CCDC141: variants seen among roughly 807,000 people sequenced by gnomAD.
CCDC141 encodes the protein coiled-coil domain-containing protein 141.
Under a neutral mutation model 181.0 loss-of-function variants are expected in CCDC141, and 168 were observed. The ratio of observed to expected loss-of-function variants is 0.93; its 90% CI spans 0.82 to 1.05. CCDC141 has a LOEUF of 1.05. Among genes scored for constraint, CCDC141 ranks in the 50% least tolerant of loss-of-function variants. The pLI is 0.00. For missense variants in CCDC141, 1,902 were observed against 1,788.5 expected (o/e 1.06, Z -1.14); for synonymous variants, 666 against 642.3 (o/e 1.04, Z -0.56).
intron 8 of CCDC141, among the ~76,000 whole-genome samples, chr2:178,894,795 T>C (rs1433910798): frequency 3.3e-5 from 5 of 151,748 alleles, no homozygotes; most frequent in Admixed American, 6.6e-5. Context: ...ATTCTTCTAA[T>C]AGAAGGTATA....
Position 179,006,704 on chromosome 2 carries a change from G to A in CCDC141, c.226-28029C>T, listed in dbSNP as rs950406670. ...GCGAGAGACATATAATATCTAAGAC[G>A]TTATTGAAATACAAGAATAAAACCA... On this transcript the variant is annotated intron_variant, in intron 2 of 23. Coordinates refer to ENST00000443758, the MANE Select transcript of CCDC141 (RefSeq NM_173648.4). Among the ~76,000 whole-genome samples the A allele has an allele frequency of 3.3e-5, 5 of 152,062 alleles. No homozygotes were observed. In the East Asian group the frequency reaches 7.7e-4, roughly 23 times the overall value.
At chr2:178,948,494 GT>G (rs1689822219) in intron 5 of CCDC141, among the ~76,000 whole-genome samples, 1 of 152,114 alleles carries the variant, frequency 6.6e-6, no homozygotes, top group Non-Finnish European at 1.5e-5. Context: ...GAGAAGAGCG[GT>G]GTGAGATATC....
rs200240546 is a variant in CCDC141 at position 179,019,155 on chromosome 2, TATTAG to T, written c.225+28124_225+28128del. Among the ~76,000 whole-genome samples, 856 of 152,288 alleles carry T rather than the reference TATTAG, an allele frequency of 5.6e-3. 6 individuals carry two copies. Among genetic ancestry groups the T allele is most frequent in the African/African-American group, 0.019 (796 of 41,582 alleles). Reference sequence around the variant, plus strand: ...TCCAAAGTCCAGCAAGCCAATATTATATTAGGAGACGAAAGTCTTTTTGGTTCCCA... The same window carrying T: ...TCCAAAGTCCAGCAAGCCAATATTATGAGACGAAAGTCTTTTTGGTTCCCA... On this transcript the variant is annotated intron_variant, in intron 2 of 23. Coordinates refer to ENST00000443758, the MANE Select transcript of CCDC141 (RefSeq NM_173648.4).
At chr2:179,026,040 G>A (rs929985550) in intron 2 of CCDC141, among the ~76,000 whole-genome samples, 2 of 152,194 alleles carry the variant, frequency 1.3e-5, no homozygotes, top group African/African-American at 2.4e-5. Flanking sequence ...TATAAGGGAA[G>A]CAGACCATAA....
rs1157103281 is a variant in CCDC141 at position 179,047,273 on chromosome 2, T to C, written c.225+11A>G. On this transcript the variant is annotated intron_variant, in intron 2 of 23. Coordinates refer to ENST00000443758, the MANE Select transcript of CCDC141 (RefSeq NM_173648.4). The stretch of plus-strand genomic sequence containing the variant: ...TTAATTTTGTTTCTGCTTCACATCT[T>C]AGTATCTTACCTTGAGCTTGGCCAA... 6.6e-7 allele frequency: 1 copy of C among 1,513,898 alleles called. No homozygotes were observed. Among genetic ancestry groups the C allele is most frequent in the Non-Finnish European group, 8.8e-7 (1 of 1,136,980 alleles). 93.8% of individuals were successfully genotyped at this position (1,513,898 alleles called of 1,614,324 possible). A position where few individuals can be genotyped will look rare whatever the true frequency, so the allele number is the denominator to read the frequency against.
intron 2 of CCDC141, among the ~76,000 whole-genome samples, chr2:178,988,260 A>G (rs1158561208): frequency 6.9e-6 from 1 of 144,910 alleles, no homozygotes; most frequent in Non-Finnish European, 1.5e-5. Flanking sequence ...ATAGGTGGGA[A>G]TTGAACAGTG....
intron 22 of CCDC141, among the ~76,000 whole-genome samples, chr2:178,841,771 A>C (rs1217197962): frequency 1.3e-5 from 2 of 152,124 alleles, no homozygotes; most frequent in Non-Finnish European, 2.9e-5. Flanking sequence ...CAGGCTCCCA[A>C]GTAGCTGGGA....
chr2:179,011,492 A>C (rs2042269073), intron 2 of CCDC141, among the ~76,000 whole-genome samples: 1 of 152,190 alleles, frequency 6.6e-6, no homozygotes, highest in South Asian at 2.1e-4. Flanking sequence ...AATAGACCTA[A>C]AAAATGTGAC....
At chr2:178,901,662 C>A (rs1687699291) in intron 8 of CCDC141, among the ~76,000 whole-genome samples, 1 of 151,598 alleles carries the variant, frequency 6.6e-6, no homozygotes, top group African/African-American at 2.4e-5. Context: ...ACTGAATGGG[C>A]AAAAACTGGA....
At chr2:178,959,709 T>C (rs1044768699) in intron 5 of CCDC141, among the ~76,000 whole-genome samples, 4 of 151,902 alleles carry the variant, frequency 2.6e-5, no homozygotes, top group African/African-American at 4.8e-5. Flanking sequence ...CAGGGTAAAA[T>C]GATAAAAGCA....
At chr2:179,028,949 T>C (rs1046939232) in intron 2 of CCDC141, among the ~76,000 whole-genome samples, 1 of 152,194 alleles carries the variant, frequency 6.6e-6, no homozygotes, top group Non-Finnish European at 1.5e-5. Context: ...AAACCCACTC[T>C]TGGCCACAAT....
chr2:178,849,967 T>C, intron 21 of CCDC141, 82 bp downstream of exon 21: 2 of 742,872 alleles, frequency 2.7e-6, no homozygotes, highest in Non-Finnish European at 4.6e-6. Flanking sequence ...TCTGTTAAAA[T>C]GTCTTTGCAC....
At chr2:178,904,852 A>T (rs1687885676) in intron 8 of CCDC141, among the ~76,000 whole-genome samples, 1 of 152,114 alleles carries the variant, frequency 6.6e-6, no homozygotes, top group Non-Finnish European at 1.5e-5. Context: ...ATGCTGTTGG[A>T]TTAATAATTG....
At chr2:178,990,918 G>C (rs1212729970) in intron 2 of CCDC141, among the ~76,000 whole-genome samples, 1 of 152,014 alleles carries the variant, frequency 6.6e-6, no homozygotes, top group Non-Finnish European at 1.5e-5. Flanking sequence ...CATATGAATT[G>C]GGTCATTCTT....
chr2:179,038,964 C>G (rs1319236998), intron 2 of CCDC141, among the ~76,000 whole-genome samples: 1 of 152,104 alleles, frequency 6.6e-6, no homozygotes, highest in Non-Finnish European at 1.5e-5. Flanking sequence ...AATTTCCAAC[C>G]TTTTTTCCTC....
In CCDC141 at chr2:178,831,081, G is replaced by C. The variant is rs1344149234; in HGVS notation, c.*3092C>G. ...TTAAGTATGTGTCTTGATTATGAGT[G>C]ATAGAGGTTACCATTATTGATTAAT... On this transcript the variant is annotated 3_prime_UTR_variant, in exon 24 of 24. Coordinates refer to ENST00000443758, the MANE Select transcript of CCDC141 (RefSeq NM_173648.4). 6.6e-6 allele frequency: 1 copy of C among 152,090 alleles called. No homozygotes were observed. The highest frequency in any genetic ancestry group is 1.9e-4 in the East Asian group (1 of 5,194). The allele number at this position is 152,090 out of a possible 1,614,324, so 9.4% of individuals were successfully genotyped here. A position where few individuals can be genotyped will look rare whatever the true frequency, so the allele number is the denominator to read the frequency against.
chr2:178,940,664 C>CA (rs1200371638), intron 6 of CCDC141, among the ~76,000 whole-genome samples: 1 of 152,022 alleles, frequency 6.6e-6, no homozygotes, highest in Non-Finnish European at 1.5e-5. Context: ...AAGGGAATCA[C>CA]AAAAAAACCT....
rs1166509402 is a variant in CCDC141 at position 178,921,336 on chromosome 2, C to T, written c.898-2429G>A. 2.0e-5 allele frequency among the ~76,000 whole-genome samples: 3 copies of T among 152,222 alleles called. No homozygotes were observed. The East Asian group carries it at 5.8e-4, about 29-fold the overall frequency. On this transcript the variant is annotated intron_variant, in intron 6 of 23. Coordinates refer to ENST00000443758, the MANE Select transcript of CCDC141 (RefSeq NM_173648.4). ...TTAAAACAGTACAATTTCTGGCACA[C>T]ATAATAGGCACTCACTAAGTGTTAG... is the stretch of plus-strand genomic sequence containing the variant.
At chr2:179,003,887 G>A (rs764744090) in intron 2 of CCDC141, among the ~76,000 whole-genome samples, 9 of 152,128 alleles carry the variant, frequency 5.9e-5, no homozygotes, top group South Asian at 2.1e-4. Context: ...GAATAAAAAC[G>A]CAATCATTCA....
Sources: allele counts gnomAD v4.1 joint callset (sites outside exome capture counted in the v4.1 genomes callset), GRCh38; gene constraint gnomAD v4.1.1; transcripts MANE v1.5; gene names NCBI Gene and HGNC (gene_info 2026-07-23, HGNC 2026-07-21).